Variants in SNX9 observed in about 807,000 individuals in gnomAD.
SNX9 encodes the protein sorting nexin-9.
In SNX9, 44 loss-of-function variants were observed where a neutral mutation model predicts 89.4. The observed-to-expected ratio is 0.49, with a 90% CI of 0.39 to 0.63. The LOEUF (loss-of-function observed/expected upper bound fraction) is 0.63. Among genes scored for constraint, SNX9 ranks in the 30% least tolerant of loss-of-function variants. The probability of loss-of-function intolerance (pLI) is 0.00; values close to 1 mark genes in which losing one functional copy is unlikely to be tolerated. For missense variants in SNX9, 578 were observed against 736.1 expected (o/e 0.79, Z 2.49); for synonymous variants, 236 against 247.8 (o/e 0.95, Z 0.45).
chr6:157,872,484 G>A (rs540447524), intron 2 of SNX9: 1 of 152,234 alleles, frequency 6.6e-6, no homozygotes, highest in South Asian at 2.1e-4. Context: ...TGCACTGCGT[G>A]TGTCTGCAAT....
rs1170271582 is a variant in SNX9, at chr6:157,897,053, A to T, written c.472+55A>T. 2.7e-6 allele frequency: 4 copies of T among 1,488,952 alleles called. No homozygotes were observed. In the Admixed American group the frequency reaches 7.1e-5, roughly 27 times the overall value. The allele number at this position is 1,488,952 out of a possible 1,614,324, so 92.2% of individuals were successfully genotyped here. The stretch of plus-strand genomic sequence containing the variant: ...GCCCGCCCATGGCTGAGTGGGAGAG[A>T]CAGGGAAGACCGAACTGTTTTTGCT... On this transcript the variant is annotated intron_variant, in intron 5 of 17. Transcript: ENST00000392185.
At chr6:157,919,953 C>T (rs1191433295) in intron 9 of SNX9, among the ~76,000 whole-genome samples, 3 of 151,488 alleles carry the variant, frequency 2.0e-5, no homozygotes, top group Non-Finnish European at 4.4e-5. Flanking sequence ...TCAGTTATTG[C>T]TGTTTGTTTG....
chr6:157,938,003 G>A (rs967260765), intron 15 of SNX9, among the ~76,000 whole-genome samples: 16 of 152,346 alleles, frequency 1.1e-4, no homozygotes, highest in Admixed American at 2.0e-4. Context: ...TATGCCAGCA[G>A]CATCAGAGTT....
At chr6:157,917,797 C>G (rs1229187642) in intron 9 of SNX9, among the ~76,000 whole-genome samples, 1 of 151,970 alleles carries the variant, frequency 6.6e-6, no homozygotes, top group Non-Finnish European at 1.5e-5. Context: ...GAAAAAAGTC[C>G]ATACATATTC....
intron 15 of SNX9, 99 bp downstream of exon 15, chr6:157,937,622 GAAAC>G (rs10573825): frequency 0.21 from 173,913 of 817,944 alleles, 19,160 homozygotes; most frequent in Non-Finnish European, 0.23. Flanking sequence ...TATTAAAAAA[GAAAC>G]AATCTATAAT....
At chr6:157,870,237 C>T (rs537594251) in intron 2 of SNX9, among the ~76,000 whole-genome samples, 31 of 151,432 alleles carry the variant, frequency 2.0e-4, no homozygotes, top group Admixed American at 1.2e-3. Flanking sequence ...CACATCCCCT[C>T]AGACACTCTC....
chr6:157,879,723 T>C (rs1006237608), intron 4 of SNX9, among the ~76,000 whole-genome samples: 1 of 152,234 alleles, frequency 6.6e-6, no homozygotes, highest in Non-Finnish European at 1.5e-5. Context: ...TCTACTCCTG[T>C]GTGTGCTAGT....
intron 4 of SNX9, among the ~76,000 whole-genome samples, chr6:157,887,155 A>G (rs1161644816): frequency 1.3e-5 from 2 of 152,138 alleles, no homozygotes; most frequent in African/African-American, 4.8e-5. Context: ...TCTGGGATGC[A>G]CCTAAGTTAC....
intron 6 of SNX9, among the ~76,000 whole-genome samples, chr6:157,903,270 A>T (rs750438363): frequency 6.2e-5 from 9 of 144,810 alleles, no homozygotes; most frequent in Non-Finnish European, 1.2e-4. Context: ...TTAAAAACAT[A>T]ACATTTGACA....
intron 9 of SNX9, among the ~76,000 whole-genome samples, chr6:157,913,298 A>G (rs1351686472): frequency 6.6e-6 from 1 of 150,696 alleles, no homozygotes; most frequent in Non-Finnish European, 1.5e-5. Context: ...CTATCTATCT[A>G]TATTTTATTT....
intron 9 of SNX9, among the ~76,000 whole-genome samples, chr6:157,914,469 C>CTTTTTTTTT (rs34419515): frequency 3.4e-3 from 256 of 75,090 alleles, no homozygotes; most frequent in African/African-American, 0.012. Flanking sequence ...TTTTCTTTTT[C>CTTTTTTTTT]TTTTTTTTTT....
rs570701086 is a variant in SNX9, at chr6:157,915,822, C to CAAAAAA, written c.950-5700_950-5695dup. Among the ~76,000 whole-genome samples, 37 of 89,370 alleles carry CAAAAAA rather than the reference C, an allele frequency of 4.1e-4. 1 individual carries two copies. The highest frequency in any genetic ancestry group is 1.4e-3 in the African/African-American group (36 of 25,270). 58.6% of individuals were successfully genotyped at this position (89,370 alleles called of 152,430 possible). On this transcript the variant is annotated intron_variant, in intron 9 of 17. Transcript: ENST00000392185. ...TCTGGGCGACAGAGTTAGACTCTGT[C>CAAAAAA]AAAAAAAAAAAAAAGATTTATATGT...
Position 157,910,042 on chromosome 6 carries a change from C to G in SNX9, c.949+17C>G. 1 of 1,575,146 alleles carries G rather than the reference C, an allele frequency of 6.3e-7. No individual in the cohort carries two copies. The highest frequency in any genetic ancestry group is 8.7e-7 in the Non-Finnish European group (1 of 1,144,650). On this transcript the variant is annotated intron_variant, in intron 9 of 17. Transcript: ENST00000392185. ...AAGTCACAGGTGAGTGTGTGTAATG[C>G]TAAACCCAGGATGACAAATAGAAAG...
At chr6:157,903,511 T>C (rs751102803) in intron 6 of SNX9, among the ~76,000 whole-genome samples, 3 of 152,230 alleles carry the variant, frequency 2.0e-5, no homozygotes, top group Non-Finnish European at 4.4e-5. Context: ...AGAGTCAAAT[T>C]TGAAGTTTTC....
At chr6:157,826,440 C>G (rs1178831267) in intron 1 of SNX9, among the ~76,000 whole-genome samples, 2 of 148,410 alleles carry the variant, frequency 1.3e-5, no homozygotes, top group African/African-American at 2.5e-5. Context: ...GCAGAACTTG[C>G]AGTGAGCCGA....
intron 1 of SNX9, chr6:157,830,535 G>A (rs1461881681): frequency 1.3e-5 from 2 of 152,282 alleles, no homozygotes; most frequent in Admixed American, 6.6e-5. Flanking sequence ...TGCACAGCTT[G>A]GGTTTCCTGG....
chr6:157,886,773 A>G (rs916530247), intron 4 of SNX9, among the ~76,000 whole-genome samples: 4 of 152,250 alleles, frequency 2.6e-5, no homozygotes, highest in Non-Finnish European at 5.9e-5. Flanking sequence ...TATAGCTACT[A>G]CAAATAGTGA....
chr6:157,931,278 T>G (rs895724117), intron 12 of SNX9, among the ~76,000 whole-genome samples: 2 of 150,308 alleles, frequency 1.3e-5, no homozygotes, highest in East Asian at 3.8e-4. Flanking sequence ...TTAACTGAGC[T>G]CGTGTAATTT....
intron 1 of SNX9, among the ~76,000 whole-genome samples, chr6:157,849,502 G>A (rs890693474): frequency 1.3e-5 from 2 of 152,250 alleles, no homozygotes; most frequent in Non-Finnish European, 2.9e-5. Flanking sequence ...GGTCCTTGGC[G>A]CTGCAGGCGG....
Sources: gnomAD v4.1 joint callset for allele counts (sites outside exome capture counted in the v4.1 genomes callset) on GRCh38, gnomAD v4.1.1 for gene constraint, MANE v1.5 for transcripts, NCBI Gene and HGNC (gene_info 2026-07-23, HGNC 2026-07-21) for gene names.